ZNF487: variants seen among roughly 807,000 people sequenced by gnomAD.
ZNF487 encodes the protein zinc finger protein 487.
In ZNF487, 4 loss-of-function variants were observed where a neutral mutation model predicts 3.0. The ratio of observed to expected loss-of-function variants is 1.35; its 90% CI spans 0.66 to 3.08. ZNF487 has a LOEUF of 3.08. ZNF487 is among the 30% of genes most tolerant of loss of function. ZNF487 has a pLI of 0.01. For synonymous variants in ZNF487, 55 were observed against 34.6 expected, an observed-to-expected ratio of 1.59 and a Z score of -2.06; for missense variants, 146 against 98.7, an observed-to-expected ratio of 1.48 and a Z score of -2.03.
Position 43,482,558 on chromosome 10 carries a change from A to G in ZNF487, c.*636A>G, listed in dbSNP as rs1457612523. The G allele has an allele frequency of 2.0e-6, 1 of 507,990 alleles. No homozygotes were observed. The highest frequency in any genetic ancestry group is 1.5e-5 in the South Asian group (1 of 68,346). 31.5% of individuals were successfully genotyped at this position (507,990 alleles called of 1,614,324 possible). ...CAAATCTTCATGTACATCAGAGAAC[A>G]CACACAGGAGAGAAACCCTATGGAT... On this transcript the variant is annotated 3_prime_UTR_variant, in exon 4 of 4. Coordinates refer to ENST00000437590, the MANE Select transcript of ZNF487 (RefSeq NM_001355444.3).
At chr10:43,478,053 A>G (rs1489306104) in intron 3 of ZNF487, among the ~76,000 whole-genome samples, 1 of 152,212 alleles carries the variant, frequency 6.6e-6, no homozygotes, top group African/African-American at 2.4e-5. Flanking sequence ...GATATTTTAG[A>G]AATCATAATA....
intron 1 of ZNF487, among the ~76,000 whole-genome samples, chr10:43,446,386 C>T (rs1839803003): frequency 1.3e-5 from 2 of 151,836 alleles, no homozygotes; most frequent in Non-Finnish European, 2.9e-5. Flanking sequence ...CGGAGAGGCT[C>T]CTCACTTCTC....
At chr10:43,443,010 T>C (rs1839670775) in intron 1 of ZNF487, among the ~76,000 whole-genome samples, 1 of 152,222 alleles carries the variant, frequency 6.6e-6, no homozygotes, top group East Asian at 1.9e-4. Context: ...ATACAGTTGA[T>C]TTTTTAGTTG....
At chr10:43,503,483 A>T in the ZNF487 span, among the ~76,000 whole-genome samples, 1 of 152,210 alleles carries the variant, frequency 6.6e-6, no homozygotes, top group Non-Finnish European at 1.5e-5. Context: ...TAAAGTCTAG[A>T]GTAATAGTAC....
chr10:43,511,107 A>C, the ZNF487 span, among the ~76,000 whole-genome samples: 3 of 152,164 alleles, frequency 2.0e-5, no homozygotes, highest in Admixed American at 2.0e-4. Flanking sequence ...AATCCTGGCT[A>C]TGGGAGAAAC....
intron 1 of ZNF487, among the ~76,000 whole-genome samples, chr10:43,441,992 A>G (rs1429950235): frequency 1.3e-5 from 2 of 152,166 alleles, no homozygotes; most frequent in African/African-American, 4.8e-5. Context: ...TTTGGGAGGT[A>G]GAGGCGGGAA....
intron 3 of ZNF487, among the ~76,000 whole-genome samples, chr10:43,479,962 CTTTCTTTCTTT>C (rs1841253682): frequency 6.9e-5 from 3 of 43,556 alleles, no homozygotes; most frequent in Non-Finnish European, 2.0e-4. Context: ...GACTCTCTTT[CTTTCTTTCTTT>C]TCTTTCTTTC....
chr10:43,492,891 A>G, the ZNF487 span, among the ~76,000 whole-genome samples: 10 of 152,254 alleles, frequency 6.6e-5, no homozygotes, highest in Middle Eastern at 3.4e-3. Flanking sequence ...AAAAATCTCT[A>G]ATAGAATTTT....
At chr10:43,441,353 C>T (rs1839601627) in intron 1 of ZNF487, among the ~76,000 whole-genome samples, 1 of 151,992 alleles carries the variant, frequency 6.6e-6, no homozygotes, top group South Asian at 2.1e-4. Flanking sequence ...GCAACTTCCG[C>T]CTCCCGGGTT....
At chr10:43,468,175 G>A (rs1011586443) in intron 1 of ZNF487, among the ~76,000 whole-genome samples, 1 of 152,166 alleles carries the variant, frequency 6.6e-6, no homozygotes, top group Non-Finnish European at 1.5e-5. Flanking sequence ...TGCTTCTTAT[G>A]CGTGAGATAA....
At chr10:43,521,987 G>C in the ZNF487 span, among the ~76,000 whole-genome samples, 1 of 152,080 alleles carries the variant, frequency 6.6e-6, no homozygotes, top group East Asian at 1.9e-4. Context: ...TTTATGATTT[G>C]ATGGCTATGA....
chr10:43,467,471 GTTA>G (rs1840748588), intron 1 of ZNF487, among the ~76,000 whole-genome samples: 1 of 151,948 alleles, frequency 6.6e-6, no homozygotes, highest in South Asian at 2.1e-4. Flanking sequence ...CCAAAGTGCT[GTTA>G]TTGCAGGTGT....
the ZNF487 span, among the ~76,000 whole-genome samples, chr10:43,512,956 C>T: frequency 2.6e-5 from 4 of 152,184 alleles, no homozygotes; most frequent in African/African-American, 9.7e-5. Flanking sequence ...CCACTGGACC[C>T]CTAGAAATTT....
chr10:43,497,377 C>T, the ZNF487 span, among the ~76,000 whole-genome samples: 10 of 152,070 alleles, frequency 6.6e-5, no homozygotes, highest in East Asian at 1.9e-4. Flanking sequence ...GAATGTGAGC[C>T]GTGTAGTTTC....
chr10:43,472,816 A>T (rs1840950038), intron 1 of ZNF487, among the ~76,000 whole-genome samples: 1 of 152,072 alleles, frequency 6.6e-6, no homozygotes, highest in Non-Finnish European at 1.5e-5. Flanking sequence ...CTTCCAACTT[A>T]TTCTGTTATA....
chr10:43,484,883 T>C (rs1841458464), downstream of ZNF487, among the ~76,000 whole-genome samples: 1 of 152,224 alleles, frequency 6.6e-6, no homozygotes, highest in African/African-American at 2.4e-5. Context: ...ATGAATTGTT[T>C]GTATTTTAAA....
chr10:43,457,108 A>G (rs1218931458), intron 1 of ZNF487, among the ~76,000 whole-genome samples: 1 of 152,110 alleles, frequency 6.6e-6, no homozygotes, highest in Non-Finnish European at 1.5e-5. Context: ...AGAGGGGTGA[A>G]TGTCCAGGTC....
chr10:43,511,221 T>G, the ZNF487 span, among the ~76,000 whole-genome samples: 1 of 152,232 alleles, frequency 6.6e-6, no homozygotes, highest in African/African-American at 2.4e-5. Context: ...TATTTGTGAC[T>G]TCAAAAGGCC....
the ZNF487 span, among the ~76,000 whole-genome samples, chr10:43,511,990 TCAATATATAA>T: frequency 6.6e-6 from 1 of 152,120 alleles, no homozygotes; most frequent in African/African-American, 2.4e-5. Flanking sequence ...AGCCAATTAA[TCAATATATAA>T]TCGCACATGT....
Sources: gnomAD v4.1 joint callset for allele counts (sites outside exome capture counted in the v4.1 genomes callset) on GRCh38, gnomAD v4.1.1 for gene constraint, MANE v1.5 for transcripts, NCBI Gene and HGNC (gene_info 2026-07-23, HGNC 2026-07-21) for gene names.